The following COL26A1 variants were observed in gnomAD, a reference collection of about 807,000 sequenced individuals.
The protein encoded by COL26A1 is collagen alpha-1(XXVI) chain.
Under a neutral mutation model 59.3 loss-of-function variants are expected in COL26A1, and 41 were observed. The ratio of observed to expected loss-of-function variants is 0.69; its 90% CI spans 0.54 to 0.90. The LOEUF (loss-of-function observed/expected upper bound fraction) is 0.90. Ranked by LOEUF, COL26A1 falls within the 40% of genes least tolerant of loss-of-function variation. The pLI is 0.00. For missense variants in COL26A1, 612 were observed against 602.3 expected (o/e 1.02, Z -0.17); for synonymous variants, 266 against 256.0 (o/e 1.04, Z -0.37).
At chr7:101,368,926 A>AAAAC (rs5886177) in intron 1 of COL26A1, among the ~76,000 whole-genome samples, 7,075 of 150,848 alleles carry the variant, frequency 0.047, 180 homozygotes, top group East Asian at 0.086. Flanking sequence ...CCAAAAAAAA[A>AAAAC]AATTCTTTTT....
At chr7:101,473,180 C>T (rs539963432) in intron 3 of COL26A1, among the ~76,000 whole-genome samples, 56 of 151,806 alleles carry the variant, frequency 3.7e-4, no homozygotes, top group African/African-American at 5.1e-4. Flanking sequence ...CCTGGGTTCA[C>T]GCCATTCTTC....
chr7:101,374,933 C>T (rs888497740), intron 1 of COL26A1, among the ~76,000 whole-genome samples: 2 of 151,926 alleles, frequency 1.3e-5, no homozygotes, highest in Non-Finnish European at 2.9e-5. Context: ...TGTTGGCGGG[C>T]ACCTGTAATT....
chr7:101,431,424 TAA>T (rs1792776322), intron 2 of COL26A1, among the ~76,000 whole-genome samples: 1 of 152,052 alleles, frequency 6.6e-6, no homozygotes, highest in Admixed American at 6.6e-5. Flanking sequence ...CATGCCCAGC[TAA>T]GTTTTGTATT....
intron 3 of COL26A1, among the ~76,000 whole-genome samples, chr7:101,471,571 G>GTTTTTTT (rs71517177): frequency 4.0e-4 from 37 of 93,018 alleles, no homozygotes; most frequent in Non-Finnish European, 4.9e-4. Flanking sequence ...GTTGTTGTTT[G>GTTTTTTT]TTTTTTTTTT....
At chr7:101,474,918 C>A (rs951430344) in intron 3 of COL26A1, among the ~76,000 whole-genome samples, 2 of 152,020 alleles carry the variant, frequency 1.3e-5, no homozygotes, top group East Asian at 1.9e-4. Context: ...TCAGGCCAGG[C>A]GCAGTGGCTC....
intron 3 of COL26A1, among the ~76,000 whole-genome samples, chr7:101,489,998 C>A (rs1037585471): frequency 6.1e-5 from 9 of 147,666 alleles, no homozygotes; most frequent in Admixed American, 2.1e-4. Flanking sequence ...GTGCAATGGC[C>A]CGATCTCGGC....
At position 101,545,453 on chromosome 7, in the gene COL26A1, C is replaced by T. The variant is rs372349100; in HGVS notation, c.819C>T (p.Gly273=). Residue 273 remains glycine, a synonymous_variant, in exon 7 of 13, where the codon GGC becomes GGT. Transcript: ENST00000313669. ...NPGPSPNSPQ[G]ALYSLQPPTD... ...GCCCCTCACCAAACAGCCCCCAGGG[C>T]GCCCTCTACTCCCTGCAGCCGCCTA... The T allele has an allele frequency of 4.4e-5, 71 of 1,608,672 alleles. No homozygotes were observed. Among genetic ancestry groups the T allele is most frequent in the Middle Eastern group, 1.7e-4 (1 of 5,868 alleles).
chr7:101,473,680 A>G (rs1034015235), intron 3 of COL26A1, among the ~76,000 whole-genome samples: 1 of 151,642 alleles, frequency 6.6e-6, no homozygotes, highest in African/African-American at 2.4e-5. Flanking sequence ...AAACAAAAAC[A>G]AAAACAAAAC....
intron 2 of COL26A1, among the ~76,000 whole-genome samples, chr7:101,421,929 C>G (rs182913443): frequency 1.3e-5 from 2 of 152,208 alleles, no homozygotes; most frequent in African/African-American, 4.8e-5. Context: ...ACTTGAGACC[C>G]CTATTGCATA....
intron 2 of COL26A1, among the ~76,000 whole-genome samples, chr7:101,432,511 A>C (rs892800783): frequency 1.3e-5 from 2 of 152,044 alleles, no homozygotes; most frequent in African/African-American, 4.8e-5. Flanking sequence ...TGAGATGGGG[A>C]CACTGGGAGG....
chr7:101,401,887 GT>G (rs1346482312), intron 1 of COL26A1, among the ~76,000 whole-genome samples: 1 of 152,116 alleles, frequency 6.6e-6, no homozygotes, highest in Non-Finnish European at 1.5e-5. Context: ...GGATCTGGTG[GT>G]GTCGAAGCCA....
At chr7:101,434,513 C>G (rs985874415) in intron 2 of COL26A1, among the ~76,000 whole-genome samples, 1 of 151,846 alleles carries the variant, frequency 6.6e-6, no homozygotes, top group Non-Finnish European at 1.5e-5. Context: ...CCTCCCGCCT[C>G]TATCTCTCAA....
At position 101,527,760 on chromosome 7, in the gene COL26A1, C is replaced by T. The variant is rs377111926; in HGVS notation, c.386-5322C>T. ...CGCTGGTTTCTGTGTGGGTCCTAGA[C>T]GCTGGGAAAGGCACTGTGGCCCCAG... On this transcript the variant is annotated intron_variant, in intron 3 of 12. Transcript: ENST00000313669. Among the ~76,000 whole-genome samples the T allele has an allele frequency of 7.0e-4, 107 of 151,866 alleles. 1 individual carries two copies. Among genetic ancestry groups the T allele is most frequent in the African/African-American group, 2.4e-3 (98 of 41,384 alleles).
At chr7:101,362,811 C>G, upstream of COL26A1, 1 of 538,446 alleles carries the variant, frequency 1.9e-6, no homozygotes, top group Non-Finnish European at 3.2e-6. Context: ...AGCCCCACGC[C>G]CCCTTTGACG....
chr7:101,387,749 TATA>T (rs1562958181), intron 1 of COL26A1, among the ~76,000 whole-genome samples: 3 of 99,830 alleles, frequency 3.0e-5, no homozygotes, highest in Non-Finnish European at 5.7e-5. Flanking sequence ...TATATATATA[TATA>T]TTTATATATA....
At chr7:101,363,337 G>A in intron 1 of COL26A1, 147 bp downstream of exon 1, 1 of 685,618 alleles carries the variant, frequency 1.5e-6, no homozygotes, top group Non-Finnish European at 2.2e-6. Flanking sequence ...GGGACTGGGG[G>A]CTGCAGACAC....
In COL26A1 at chr7:101,388,570, C is replaced by CTT. The variant is rs542807870; in HGVS notation, c.158+25392_158+25393dup. Among the ~76,000 whole-genome samples the CTT allele has an allele frequency of 5.1e-4, 71 of 139,388 alleles. 1 individual carries two copies. The highest frequency in any genetic ancestry group is 2.3e-3 in the Admixed American group (32 of 14,160). The allele number at this position is 139,388 out of a possible 152,430, so 91.4% of individuals were successfully genotyped here. ...GCCCCTGGCAATCACCACCTATTTTCTTTTTTTTTTTTTGAGACAGTCTCA... is the reference window on the plus strand; with the variant it reads ...GCCCCTGGCAATCACCACCTATTTTCTTTTTTTTTTTTTTTGAGACAGTCTCA... On this transcript the variant is annotated intron_variant, in intron 1 of 12. Coordinates refer to ENST00000313669, the MANE Select transcript of COL26A1 (RefSeq NM_001278563.3).
chr7:101,379,753 T>C (rs1340603869), intron 1 of COL26A1, among the ~76,000 whole-genome samples: 2 of 152,100 alleles, frequency 1.3e-5, no homozygotes, highest in African/African-American at 4.8e-5. Context: ...AAAACCAAGA[T>C]GGAGATGAGA....
At chr7:101,419,849 C>T in intron 1 of COL26A1, 128 bp from the exon 2 acceptor site, 1 of 908,200 alleles carries the variant, frequency 1.1e-6, no homozygotes, top group Non-Finnish European at 1.7e-6. Context: ...CAGTGGGCCC[C>T]CCATCCAAGA....
Sources: gnomAD v4.1 joint callset for allele counts (sites outside exome capture counted in the v4.1 genomes callset) on GRCh38, gnomAD v4.1.1 for gene constraint, MANE v1.5 for transcripts, NCBI Gene and HGNC (gene_info 2026-07-23, HGNC 2026-07-21) for gene names.